The following TMEM117 variants were observed in gnomAD, a reference collection of about 807,000 sequenced individuals.
TMEM117 encodes the protein transmembrane protein 117.
A neutral mutation model predicts 52.4 loss-of-function variants in TMEM117; 27 were observed. The observed-to-expected ratio is 0.51, with a 90% CI of 0.38 to 0.71. TMEM117 has a LOEUF of 0.71. Among genes scored for constraint, TMEM117 ranks in the 30% least tolerant of loss-of-function variants. The probability of loss-of-function intolerance (pLI) is 0.00; values close to 1 mark genes in which losing one functional copy is unlikely to be tolerated. For missense variants in TMEM117, 556 were observed against 630.5 expected (o/e 0.88, Z 1.26); for synonymous variants, 215 against 206.3 (o/e 1.04, Z -0.36).
chr12:44,349,698 T>C (rs1156452563), intron 6 of TMEM117, among the ~76,000 whole-genome samples: 1 of 152,062 alleles, frequency 6.6e-6, no homozygotes, highest in East Asian at 1.9e-4. Flanking sequence ...CTGTCAACTT[T>C]TCCCAGTTTA....
At chr12:44,164,237 G>T (rs1948934922) in intron 4 of TMEM117, among the ~76,000 whole-genome samples, 1 of 152,012 alleles carries the variant, frequency 6.6e-6, no homozygotes, top group African/African-American at 2.4e-5. Flanking sequence ...AATAGTTTTT[G>T]GGGTAAAGTG....
At chr12:43,846,208 A>G (rs1943205145) in intron 2 of TMEM117, among the ~76,000 whole-genome samples, 3 of 152,148 alleles carry the variant, frequency 2.0e-5, no homozygotes, top group African/African-American at 7.2e-5. Flanking sequence ...AAGAGACTAA[A>G]TTAGTTTAAG....
At chr12:43,830,557 C>G in the TMEM117 span, among the ~76,000 whole-genome samples, 3 of 150,566 alleles carry the variant, frequency 2.0e-5, no homozygotes, top group East Asian at 5.9e-4. Context: ...TTGCAGTGAG[C>G]CGAGATCATG....
At chr12:43,872,419 G>A (rs1481524926) in intron 2 of TMEM117, among the ~76,000 whole-genome samples, 4 of 152,158 alleles carry the variant, frequency 2.6e-5, no homozygotes, top group African/African-American at 2.4e-5. Flanking sequence ...TTGACTGTTC[G>A]GCCAGTGGAA....
intron 3 of TMEM117, among the ~76,000 whole-genome samples, chr12:44,082,310 A>C (rs1399124887): frequency 6.6e-6 from 1 of 151,996 alleles, no homozygotes; most frequent in Non-Finnish European, 1.5e-5. Flanking sequence ...CGAATGTATG[A>C]AACTTAATTG....
At chr12:44,373,381 AG>A (rs1951891183) in intron 6 of TMEM117, among the ~76,000 whole-genome samples, 1 of 152,226 alleles carries the variant, frequency 6.6e-6, no homozygotes, top group African/African-American at 2.4e-5. Context: ...CAAAGGCCCC[AG>A]GGGGCCAGTG....
chr12:43,994,216 T>A (rs1219165527), intron 3 of TMEM117, among the ~76,000 whole-genome samples: 1 of 152,200 alleles, frequency 6.6e-6, no homozygotes, highest in East Asian at 1.9e-4. Context: ...GTTTCCATGC[T>A]CTTTCCAGAG....
intron 4 of TMEM117, among the ~76,000 whole-genome samples, chr12:44,147,189 T>G (rs1378866356): frequency 6.6e-6 from 1 of 152,182 alleles, no homozygotes; most frequent in African/African-American, 2.4e-5. Context: ...AGCTGGGTCT[T>G]TGCTATGGGC....
intron 7 of TMEM117, among the ~76,000 whole-genome samples, chr12:44,378,386 A>G (rs541614798): frequency 6.6e-6 from 1 of 152,312 alleles, no homozygotes; most frequent in South Asian, 2.1e-4. Context: ...TCCAGAGTTT[A>G]CACAATGTGG....
chr12:44,000,013 G>A (rs755517618), intron 3 of TMEM117, among the ~76,000 whole-genome samples: 31 of 152,144 alleles, frequency 2.0e-4, no homozygotes, highest in Non-Finnish European at 3.4e-4. Flanking sequence ...CATCAATTTT[G>A]CCCAATGATC....
At chr12:43,951,722 T>C (rs1436822480) in intron 3 of TMEM117, among the ~76,000 whole-genome samples, 1 of 152,138 alleles carries the variant, frequency 6.6e-6, no homozygotes, top group African/African-American at 2.4e-5. Flanking sequence ...CTGCCAGCTC[T>C]GAAGAGATTG....
At chr12:44,359,245 A>G (rs1421920684) in intron 6 of TMEM117, among the ~76,000 whole-genome samples, 1 of 152,022 alleles carries the variant, frequency 6.6e-6, no homozygotes, top group Non-Finnish European at 1.5e-5. Flanking sequence ...TGAGAAAATA[A>G]CAAAGTGTCT....
intron 4 of TMEM117, among the ~76,000 whole-genome samples, chr12:44,145,045 T>C (rs1014529474): frequency 9.9e-5 from 15 of 152,230 alleles, no homozygotes; most frequent in Middle Eastern, 3.4e-3. Flanking sequence ...TAGTCCCAGC[T>C]ACTCGGGAGG....
At chr12:44,076,149 T>C (rs1205918213) in intron 3 of TMEM117, among the ~76,000 whole-genome samples, 2 of 152,194 alleles carry the variant, frequency 1.3e-5, no homozygotes, top group Admixed American at 1.3e-4. Context: ...CGTGAGAAAT[T>C]GCCTTCATTC....
At chr12:44,082,215 C>T (rs369053416) in intron 3 of TMEM117, among the ~76,000 whole-genome samples, 17 of 151,656 alleles carry the variant, frequency 1.1e-4, no homozygotes, top group East Asian at 5.8e-4. Context: ...AATCTATGGG[C>T]GTGTAGAAAT....
chr12:44,064,913 G>C (rs1398786277), intron 3 of TMEM117, among the ~76,000 whole-genome samples: 1 of 151,932 alleles, frequency 6.6e-6, no homozygotes, highest in African/African-American at 2.4e-5. Context: ...ATACAAAAAA[G>C]GGGGGGTAAC....
At chr12:44,116,474 T>G (rs1439543136) in intron 3 of TMEM117, among the ~76,000 whole-genome samples, 3 of 152,208 alleles carry the variant, frequency 2.0e-5, no homozygotes, top group African/African-American at 7.2e-5. Context: ...AATTTCCTTT[T>G]CTTCTCTCTG....
chr12:44,275,113 T>A (rs1950496190), intron 5 of TMEM117, among the ~76,000 whole-genome samples: 1 of 151,978 alleles, frequency 6.6e-6, no homozygotes. Context: ...AAAAGTTGAA[T>A]AACCCGATCA....
At chr12:43,952,857 T>G (rs1945246045) in intron 3 of TMEM117, among the ~76,000 whole-genome samples, 3 of 151,064 alleles carry the variant, frequency 2.0e-5, no homozygotes. Context: ...TTCTCCAGAG[T>G]TGAAATGAAG....
Sources: gnomAD v4.1 joint callset for allele counts (sites outside exome capture counted in the v4.1 genomes callset) on GRCh38, gnomAD v4.1.1 for gene constraint, MANE v1.5 for transcripts, NCBI Gene and HGNC (gene_info 2026-07-23, HGNC 2026-07-21) for gene names.